Variants in CFDP1 observed in about 807,000 individuals in gnomAD.
CFDP1 encodes the protein heterochromatin-stabilizing protein CFDP1.
A neutral mutation model predicts 40.1 loss-of-function variants in CFDP1; 31 were observed. The ratio of observed to expected loss-of-function variants is 0.77; its 90% CI spans 0.58 to 1.04. CFDP1 has a LOEUF of 1.04. CFDP1 is among the 50% of genes least tolerant of loss of function. CFDP1 has a pLI of 0.00. For missense variants in CFDP1, 423 were observed against 343.4 expected (o/e 1.23, Z -1.83); for synonymous variants, 167 against 120.0 (o/e 1.39, Z -2.56).
intron 6 of CFDP1, among the ~76,000 whole-genome samples, chr16:75,297,609 T>C (rs2078193189): frequency 6.6e-6 from 1 of 152,240 alleles, no homozygotes; most frequent in African/African-American, 2.4e-5. Context: ...GGGCCCAGCA[T>C]GACTCAGCCC....
At chr16:75,303,402 T>TAA (rs1491458577) in intron 6 of CFDP1, among the ~76,000 whole-genome samples, 1,911 of 149,624 alleles carry the variant, frequency 0.013, 39 homozygotes, top group African/African-American at 0.045. Flanking sequence ...AATAAATAAA[T>TAA]GTATGTATGT....
rs71380717 is a variant in CFDP1 at position 75,303,400 on chromosome 16, A to AATGTATGTATGT, written c.809+1612_809+1623dup. Reference sequence around the variant, plus strand: ...AAATAAATAAATAAATAAATAAATAAATGTATGTATGTATGTATGTATGTA... The same window carrying AATGTATGTATGT: ...AAATAAATAAATAAATAAATAAATAAATGTATGTATGTATGTATGTATGTATGTATGTATGTA... On this transcript the variant is annotated intron_variant, in intron 6 of 6. Transcript: ENST00000283882. Among the ~76,000 whole-genome samples the AATGTATGTATGT allele has an allele frequency of 5.9e-3, 866 of 146,226 alleles. 8 individuals carry two copies. The highest frequency in any genetic ancestry group is 0.014 in the South Asian group (66 of 4,672).
chr16:75,345,138 C>A (rs1279636425), intron 5 of CFDP1, among the ~76,000 whole-genome samples: 5 of 151,732 alleles, frequency 3.3e-5, no homozygotes, highest in Non-Finnish European at 5.9e-5. Flanking sequence ...CCAGCCTGGG[C>A]AACAAAGCAA....
intron 5 of CFDP1, among the ~76,000 whole-genome samples, chr16:75,346,926 C>T (rs1407256643): frequency 6.6e-6 from 1 of 152,128 alleles, no homozygotes; most frequent in East Asian, 1.9e-4. Context: ...ATGGTCTTGT[C>T]TGTCCTTCCA....
intron 1 of CFDP1, among the ~76,000 whole-genome samples, chr16:75,424,907 T>C (rs1260290845): frequency 6.6e-6 from 1 of 152,212 alleles, no homozygotes; most frequent in Non-Finnish European, 1.5e-5. Context: ...AAACTGTTTC[T>C]ATTCACATTT....
intron 5 of CFDP1, among the ~76,000 whole-genome samples, chr16:75,334,881 G>C (rs968951577): frequency 6.6e-6 from 1 of 152,076 alleles, no homozygotes; most frequent in South Asian, 2.1e-4. Context: ...TTTGAACCCC[G>C]GAGGTGGAGG....
At chr16:75,298,362 C>A (rs569314725) in intron 6 of CFDP1, among the ~76,000 whole-genome samples, 3 of 152,202 alleles carry the variant, frequency 2.0e-5, no homozygotes, top group African/African-American at 7.2e-5. Flanking sequence ...GACGTAGTCA[C>A]CCTGGCTGAA....
intron 4 of CFDP1, among the ~76,000 whole-genome samples, chr16:75,398,462 A>C (rs1046760768): frequency 3.9e-5 from 6 of 152,174 alleles, no homozygotes; most frequent in African/African-American, 1.4e-4. Context: ...CTCAACTCAA[A>C]GAGTTCTGTG....
intron 5 of CFDP1, among the ~76,000 whole-genome samples, chr16:75,358,556 T>C (rs2078661123): frequency 6.6e-6 from 1 of 152,202 alleles, no homozygotes; most frequent in Admixed American, 6.5e-5. Context: ...AAAGCACTTC[T>C]GCCAAGAGTG....
chr16:75,396,669 A>C (rs2078996885), intron 4 of CFDP1, among the ~76,000 whole-genome samples: 1 of 106,372 alleles, frequency 9.4e-6, no homozygotes, highest in African/African-American at 2.8e-5. Context: ...CATGACTGAG[A>C]ATTTTGTCTA....
intron 5 of CFDP1, among the ~76,000 whole-genome samples, chr16:75,372,802 AATAC>A (rs2078763781): frequency 6.6e-6 from 1 of 152,206 alleles, no homozygotes; most frequent in African/African-American, 2.4e-5. Flanking sequence ...CGCACACACA[AATAC>A]ATACCCTTTA....
chr16:75,370,607 A>G (rs2078744674), intron 5 of CFDP1, among the ~76,000 whole-genome samples: 1 of 152,172 alleles, frequency 6.6e-6, no homozygotes, highest in Admixed American at 6.5e-5. Context: ...TGACGCCTGT[A>G]ATCCCAGCAC....
In CFDP1 at chr16:75,359,759, G is replaced by A. The variant is rs746464454; in HGVS notation, c.650+35331C>T. Among the ~76,000 whole-genome samples the A allele has an allele frequency of 3.9e-5, 6 of 152,228 alleles. No homozygotes were observed. The East Asian group carries it at 9.7e-4, about 24-fold the overall frequency. ...TCAGGTTTTGAATTCAGAGCAAAAC[G>A]ATAACAGCCTCTGGCCCAACAGGGA... is the stretch of plus-strand genomic sequence containing the variant. On this transcript the variant is annotated intron_variant, in intron 5 of 6. Transcript: ENST00000283882.
At chr16:75,412,429 G>C in intron 3 of CFDP1, 106 bp downstream of exon 3, 1 of 860,844 alleles carries the variant, frequency 1.2e-6, no homozygotes. Context: ...TTTTCACTTA[G>C]TACAATTGTT....
At chr16:75,313,894 GT>G (rs11423940) in intron 5 of CFDP1, among the ~76,000 whole-genome samples, 2 of 150,708 alleles carry the variant, frequency 1.3e-5, no homozygotes, top group South Asian at 2.1e-4. Context: ...ACTGTTTTTT[GT>G]TTTTTTTTAG....
intron 1 of CFDP1, among the ~76,000 whole-genome samples, chr16:75,416,207 G>A (rs1305966565): frequency 3.3e-5 from 5 of 152,000 alleles, no homozygotes; most frequent in Non-Finnish European, 5.9e-5. Context: ...CCAAACACTT[G>A]AGAAAAGCCT....
chr16:75,365,204 AG>A (rs1243634726), intron 5 of CFDP1, among the ~76,000 whole-genome samples: 1 of 152,232 alleles, frequency 6.6e-6, no homozygotes, highest in Non-Finnish European at 1.5e-5. Flanking sequence ...TTGAATGGCA[AG>A]GTTAAATACA....
intron 5 of CFDP1, among the ~76,000 whole-genome samples, chr16:75,330,184 G>C (rs2078435159): frequency 6.6e-6 from 1 of 152,206 alleles, no homozygotes; most frequent in Admixed American, 6.5e-5. Context: ...GACTACTTCA[G>C]TAATTATCCA....
intron 5 of CFDP1, chr16:75,372,533 A>C (rs562256893): frequency 6.6e-6 from 1 of 152,296 alleles, no homozygotes; most frequent in East Asian, 1.9e-4. Context: ...TAAAAACAAA[A>C]AGCAGATCAA....
Sources: allele counts gnomAD v4.1 joint callset (sites outside exome capture counted in the v4.1 genomes callset), GRCh38; gene constraint gnomAD v4.1.1; transcripts MANE v1.5; gene names NCBI Gene and HGNC (gene_info 2026-07-23, HGNC 2026-07-21).